The following COMMD1 variants were observed in gnomAD, a reference collection of about 807,000 sequenced individuals.
COMMD1 encodes the protein copper metabolism domain containing 1.
A neutral mutation model predicts 17.2 loss-of-function variants in COMMD1; 10 were observed. That is an observed-to-expected ratio of 0.58 (90% CI 0.36 to 0.99). COMMD1 has a LOEUF of 0.99. Ranked by LOEUF, COMMD1 falls within the 50% of genes least tolerant of loss-of-function variation. COMMD1 has a pLI of 0.01. For synonymous variants in COMMD1, 97 were observed against 91.6 expected (o/e 1.06, Z -0.34); for missense variants, 270 against 231.8 (o/e 1.17, Z -1.07).
intron 1 of COMMD1, among the ~76,000 whole-genome samples, chr2:61,979,080 C>A (rs1671883844): frequency 6.6e-6 from 1 of 151,988 alleles, no homozygotes; most frequent in Non-Finnish European, 1.5e-5. Context: ...ATTTTTGTAC[C>A]CATTAGTGAT....
chr2:61,888,470 G>T, upstream of COMMD1: 1 of 1,612,026 alleles, frequency 6.2e-7, no homozygotes, highest in Non-Finnish European at 8.5e-7. Context: ...GGCAGCCCCG[G>T]CAGTCGCCCC....
At chr2:61,906,239 G>C (rs555739347) in intron 1 of COMMD1, among the ~76,000 whole-genome samples, 3 of 152,200 alleles carry the variant, frequency 2.0e-5, no homozygotes, top group Non-Finnish European at 4.4e-5. Flanking sequence ...GCGTTAAAAT[G>C]AGCCAGTGTC....
intron 2 of COMMD1, among the ~76,000 whole-genome samples, chr2:62,103,973 T>C (rs1400299787): frequency 6.6e-6 from 1 of 152,098 alleles, no homozygotes; most frequent in East Asian, 1.9e-4. Context: ...CCCAAGTAGC[T>C]GGGACTGCAC....
At chr2:61,899,079 T>C (rs943549608) in intron 1 of COMMD1, among the ~76,000 whole-genome samples, 7 of 152,170 alleles carry the variant, frequency 4.6e-5, no homozygotes, top group Admixed American at 1.3e-4. Context: ...GGCAGTAATA[T>C]GTCCAGTGAT....
chr2:62,059,971 T>C (rs1670812979), intron 2 of COMMD1, among the ~76,000 whole-genome samples: 2 of 152,150 alleles, frequency 1.3e-5, no homozygotes, highest in Admixed American at 6.5e-5. Flanking sequence ...TTAATTTCTC[T>C]CTTGGGTTTT....
At chr2:61,895,270 G>A (rs1257664336) in intron 1 of COMMD1, among the ~76,000 whole-genome samples, 6 of 152,156 alleles carry the variant, frequency 3.9e-5, no homozygotes, top group African/African-American at 1.4e-4. Flanking sequence ...GCTGTCCACA[G>A]ATAAAAGTAC....
At chr2:62,004,469 T>G (rs1360915315) in intron 2 of COMMD1, among the ~76,000 whole-genome samples, 1 of 152,082 alleles carries the variant, frequency 6.6e-6, no homozygotes, top group Non-Finnish European at 1.5e-5. Flanking sequence ...GCCTGGCTTA[T>G]TTTTTGTATT....
intron 1 of COMMD1, among the ~76,000 whole-genome samples, chr2:61,908,961 G>A (rs1669839365): frequency 6.6e-6 from 1 of 152,052 alleles, no homozygotes; most frequent in African/African-American, 2.4e-5. Context: ...TATCGCTCTT[G>A]TTGCCCAGGC....
chr2:62,006,149 A>G (rs1669109162), intron 2 of COMMD1, among the ~76,000 whole-genome samples: 1 of 136,968 alleles, frequency 7.3e-6, no homozygotes, highest in Non-Finnish European at 1.5e-5. Context: ...GAACAATGAG[A>G]ACACATGGAC....
chr2:61,969,869 A>G (rs1469414785), intron 1 of COMMD1, among the ~76,000 whole-genome samples: 1 of 152,078 alleles, frequency 6.6e-6, no homozygotes, highest in East Asian at 1.9e-4. Flanking sequence ...TATTCAAACA[A>G]CTTCCTTGGT....
intron 1 of COMMD1, among the ~76,000 whole-genome samples, chr2:61,952,863 A>T (rs1452657634): frequency 5.3e-5 from 8 of 152,222 alleles, no homozygotes; most frequent in African/African-American, 1.9e-4. Flanking sequence ...GAAATGGTTG[A>T]ACATAATGGA....
At chr2:62,046,745 C>G (rs1352146904) in intron 2 of COMMD1, among the ~76,000 whole-genome samples, 1 of 152,146 alleles carries the variant, frequency 6.6e-6, no homozygotes, top group Non-Finnish European at 1.5e-5. Context: ...TTTCTTTTTT[C>G]TCTCTCCAGT....
intron 1 of COMMD1, among the ~76,000 whole-genome samples, chr2:61,917,442 A>G (rs555894557): frequency 6.6e-6 from 1 of 152,340 alleles, no homozygotes; most frequent in Non-Finnish European, 1.5e-5. Context: ...TTTAAAATCA[A>G]AGAATGGCAT....
chr2:61,991,153 G>A (rs1345935360), intron 1 of COMMD1, among the ~76,000 whole-genome samples: 1 of 151,424 alleles, frequency 6.6e-6, no homozygotes, highest in Non-Finnish European at 1.5e-5. Context: ...TTTTTCTTTA[G>A]TATCGTAGCC....
chr2:62,125,408 A>G (rs762265836), intron 2 of COMMD1, among the ~76,000 whole-genome samples: 1 of 152,124 alleles, frequency 6.6e-6, no homozygotes, highest in Non-Finnish European at 1.5e-5. Context: ...AGACTGACTG[A>G]TGTCAGTCCT....
chr2:62,068,768 G>C (rs1040582129), intron 2 of COMMD1, among the ~76,000 whole-genome samples: 1 of 151,600 alleles, frequency 6.6e-6, no homozygotes, highest in South Asian at 2.1e-4. Context: ...GGTACTATAG[G>C]TGCATGCCAG....
chr2:62,011,700 G>A (rs1391866120), intron 2 of COMMD1, among the ~76,000 whole-genome samples: 1 of 152,138 alleles, frequency 6.6e-6, no homozygotes, highest in Admixed American at 6.5e-5. Flanking sequence ...CACAGTGAAA[G>A]AAAGTTGTTA....
intron 2 of COMMD1, among the ~76,000 whole-genome samples, chr2:62,066,917 G>A (rs1442128162): frequency 6.7e-6 from 1 of 149,890 alleles, no homozygotes; most frequent in Non-Finnish European, 1.5e-5. Flanking sequence ...GTAGAGACAG[G>A]GTTTCACCAT....
At chr2:62,100,657 C>T (rs1672153189) in intron 2 of COMMD1, among the ~76,000 whole-genome samples, 1 of 152,234 alleles carries the variant, frequency 6.6e-6, no homozygotes, top group East Asian at 1.9e-4. Flanking sequence ...CTAGGATCCA[C>T]AGAAAGGAAA....
Sources: gnomAD v4.1 joint callset for allele counts (sites outside exome capture counted in the v4.1 genomes callset) on GRCh38, gnomAD v4.1.1 for gene constraint, MANE v1.5 for transcripts, NCBI Gene and HGNC (gene_info 2026-07-23, HGNC 2026-07-21) for gene names.